SRP19: variants seen among roughly 807,000 people sequenced by gnomAD.
SRP19 encodes the protein signal recognition particle 19, also known as signal recognition particle 19 kDa protein.
SRP19 carries 11 observed loss-of-function variants against 22.4 expected under a neutral mutation model. That is an observed-to-expected ratio of 0.49 (90% confidence interval 0.31 to 0.81). The LOEUF is 0.81. Ranked by LOEUF, SRP19 falls within the 40% of genes least tolerant of loss-of-function variation. The pLI is 0.05. For synonymous variants in SRP19, 61 were observed against 57.6 expected, an observed-to-expected ratio of 1.06 and a Z score of -0.27; for missense variants, 168 against 175.9, an observed-to-expected ratio of 0.96 and a Z score of 0.25.
chr5:112,868,277 G>T lies in SRP19; in HGVS notation c.*740G>T, dbSNP rs77992480. ...GATTGGTGCTCCAGAATTTCAGAGC[G>T]GTTTCTGAAAGTAGTGATTTTGAGC... is the stretch of plus-strand genomic sequence containing the variant. On this transcript the variant is annotated 3_prime_UTR_variant, in exon 5 of 5. Coordinates refer to ENST00000505459, the MANE Select transcript of SRP19 (RefSeq NM_003135.3). The T allele has an allele frequency of 3.8e-5, 37 of 985,310 alleles. No individual in the cohort carries two copies. Among genetic ancestry groups the T allele is most frequent in the Non-Finnish European group, 4.2e-5 (35 of 829,958 alleles). The allele number at this position is 985,310 out of a possible 1,614,324, so 61.0% of individuals were successfully genotyped here. A position where few individuals can be genotyped will look rare whatever the true frequency, so the allele number is the denominator to read the frequency against.
chr5:112,861,475 T>C, intron 1 of SRP19, 58 bp downstream of exon 1: 1 of 1,567,896 alleles, frequency 6.4e-7, no homozygotes, highest in Middle Eastern at 2.0e-4. Flanking sequence ...GTGCTGCAGG[T>C]GCTACACCGC....
At position 112,867,865 on chromosome 5, in the gene SRP19, T is replaced by G. The variant is rs977593231; in HGVS notation, c.*328T>G. ...ATTTCAATTAGATTTAAAATAAACA[T>G]TTTGTCCACCTTTTAAGTTAATGAA... On this transcript the variant is annotated 3_prime_UTR_variant, in exon 5 of 5. Coordinates refer to ENST00000505459, the MANE Select transcript of SRP19 (RefSeq NM_003135.3). The G allele has an allele frequency of 1.4e-5, 14 of 1,021,102 alleles. No homozygotes were observed. In the African/African-American group the frequency reaches 2.4e-4, roughly 17 times the overall value. 63.3% of individuals were successfully genotyped at this position (1,021,102 alleles called of 1,614,324 possible).
intron 1 of SRP19, 59 bp downstream of exon 1, chr5:112,861,476 G>A: frequency 1.3e-6 from 2 of 1,558,948 alleles, no homozygotes; most frequent in Admixed American, 3.7e-5. Context: ...TGCTGCAGGT[G>A]CTACACCGCG....
intron 1 of SRP19, 75 bp downstream of exon 1, chr5:112,861,492 C>T: frequency 1.3e-6 from 2 of 1,518,050 alleles, no homozygotes; most frequent in Non-Finnish European, 1.8e-6. Context: ...CCGCGCTTCT[C>T]CGCTCCGCGG....
intron 4 of SRP19, among the ~76,000 whole-genome samples, chr5:112,891,181 TCC>T (rs752622069): frequency 6.6e-6 from 1 of 151,998 alleles, no homozygotes; most frequent in African/African-American, 2.4e-5. Context: ...CAAGCAGTTC[TCC>T]TGCCTCAGCC....
At chr5:112,861,477 C>A in intron 1 of SRP19, 60 bp downstream of exon 1, 1 of 1,558,342 alleles carries the variant, frequency 6.4e-7, no homozygotes, top group Non-Finnish European at 8.7e-7. Flanking sequence ...GCTGCAGGTG[C>A]TACACCGCGC....
At chr5:112,894,520 A>G (rs1768619002), downstream of SRP19, 1 of 152,256 alleles carries the variant, frequency 6.6e-6, no homozygotes, top group Admixed American at 6.5e-5. Context: ...TATGATATGC[A>G]GGAAATGTCT....
chr5:112,868,111 G>A lies in SRP19; in HGVS notation c.*574G>A, dbSNP rs142687814. 2.8e-4 allele frequency: 275 copies of A among 985,346 alleles called. 2 individuals are homozygous for A. In the African/African-American group the frequency reaches 3.7e-3, roughly 13 times the overall value. The allele number at this position is 985,346 out of a possible 1,614,324, so 61.0% of individuals were successfully genotyped here. On this transcript the variant is annotated 3_prime_UTR_variant, in exon 5 of 5. Transcript: ENST00000505459. Reference sequence around the variant, plus strand: ...ATTATTGTAATCGAATCGTTCAGTTGTTTTTTGACATGGAAAGTCCTGGAT... The same window carrying A: ...ATTATTGTAATCGAATCGTTCAGTTATTTTTTGACATGGAAAGTCCTGGAT...
intron 4 of SRP19, chr5:112,887,148 A>G (rs1768278957): frequency 1.9e-6 from 3 of 1,611,310 alleles, no homozygotes; most frequent in Admixed American, 1.7e-5. Context: ...CCCCATTAGA[A>G]GGGCTCGGGG....
At position 112,892,463 on chromosome 5, in the gene SRP19, T is replaced by C. The variant is rs765867841; in HGVS notation, c.*856T>C. On this transcript the variant is annotated 3_prime_UTR_variant, in exon 5 of 5. Transcript: ENST00000391338. ...TTGGAACCTCACCTGAGGGGCAATG[T>C]ATATGTTCAGTACCAGTCGGAAGAA... 9.9e-6 allele frequency: 16 copies of C among 1,614,124 alleles called. 1 individual carries two copies. In the South Asian group the frequency reaches 1.8e-4, roughly 18 times the overall value.
intron 4 of SRP19, chr5:112,878,311 G>C (rs1350121141): frequency 6.4e-6 from 1 of 156,882 alleles, no homozygotes; most frequent in Admixed American, 6.2e-5. Flanking sequence ...CATGATGCAT[G>C]TTGTAGTCAG....
intron 4 of SRP19, among the ~76,000 whole-genome samples, chr5:112,875,782 C>T (rs1767880195): frequency 6.6e-6 from 1 of 151,408 alleles, no homozygotes; most frequent in African/African-American, 2.4e-5. Context: ...CGCGGTGGCT[C>T]ATGCCTGTAA....
intron 4 of SRP19, among the ~76,000 whole-genome samples, chr5:112,887,533 G>A (rs963493637): frequency 6.6e-6 from 1 of 152,108 alleles, no homozygotes; most frequent in Non-Finnish European, 1.5e-5. Context: ...GTACTTATCT[G>A]CATGTATAAA....
chr5:112,886,172 C>T (rs818427), intron 4 of SRP19, among the ~76,000 whole-genome samples: 44,214 of 152,090 alleles, frequency 0.29, 6,717 homozygotes, highest in Non-Finnish European at 0.33. Context: ...GAGAAGCCTG[C>T]CTGCGCTTCA....
At chr5:112,894,512 T>C (rs1030910527), downstream of SRP19, 3 of 152,254 alleles carry the variant, frequency 2.0e-5, no homozygotes, top group Non-Finnish European at 4.4e-5. Flanking sequence ...TACAACATTA[T>C]GATATGCAGG....
chr5:112,896,073 T>G (rs1768670853), downstream of SRP19: 1 of 152,644 alleles, frequency 6.6e-6, no homozygotes, highest in Non-Finnish European at 1.5e-5. Flanking sequence ...TAACATGCAG[T>G]TACGGAACTG....
chr5:112,887,235 T>A, intron 4 of SRP19: 1 of 1,467,380 alleles, frequency 6.8e-7, no homozygotes, highest in African/African-American at 1.4e-5. Flanking sequence ...GGGGGCACAT[T>A]CTGAGAATAC....
chr5:112,887,202 A>G, intron 4 of SRP19: 1 of 1,556,232 alleles, frequency 6.4e-7, no homozygotes, highest in South Asian at 1.2e-5. Flanking sequence ...AAAAAGAGCC[A>G]GCATGGGTAA....
intron 1 of SRP19, among the ~76,000 whole-genome samples, 195 bp downstream of exon 1, chr5:112,861,612 C>T (rs527331855): frequency 6.6e-6 from 1 of 152,328 alleles, no homozygotes; most frequent in East Asian, 1.9e-4. Flanking sequence ...TCTCAGGGCT[C>T]CTGAAATTCC....
Sources: allele counts gnomAD v4.1 joint callset (sites outside exome capture counted in the v4.1 genomes callset), GRCh38; gene constraint gnomAD v4.1.1; transcripts MANE v1.5; gene names NCBI Gene and HGNC (gene_info 2026-07-23, HGNC 2026-07-21).